CFAP77: variants seen among roughly 807,000 people sequenced by gnomAD.
CFAP77 encodes the protein cilia- and flagella-associated protein 77.
CFAP77 carries 25 observed loss-of-function variants against 31.1 expected under a neutral mutation model. That is an observed-to-expected ratio of 0.80 (90% CI 0.59 to 1.12). CFAP77 has a LOEUF of 1.12. CFAP77 is among the 50% of genes most tolerant of loss of function. CFAP77 has a pLI of 0.00. For synonymous variants in CFAP77, 151 were observed against 159.9 expected (o/e 0.94, Z 0.42); for missense variants, 377 against 397.3 (o/e 0.95, Z 0.44).
chr9:132,417,735 C>T (rs1850129844), intron 1 of CFAP77, among the ~76,000 whole-genome samples: 1 of 152,192 alleles, frequency 6.6e-6, no homozygotes, highest in East Asian at 1.9e-4. Context: ...AATAAGTGAG[C>T]ATTTTGTTAT....
chr9:132,445,057 T>C (rs2131706432), intron 1 of CFAP77, among the ~76,000 whole-genome samples: 1 of 148,886 alleles, frequency 6.7e-6, no homozygotes, highest in East Asian at 2.1e-4. Flanking sequence ...CACTGCAACC[T>C]CCGCCTCCTG....
intron 5 of CFAP77, among the ~76,000 whole-genome samples, chr9:132,544,059 C>T (rs368880745): frequency 7.9e-5 from 12 of 152,286 alleles, no homozygotes; most frequent in East Asian, 1.9e-4. Context: ...GCCGCTGTGC[C>T]GCATTAAACT....
intron 3 of CFAP77, among the ~76,000 whole-genome samples, chr9:132,507,967 T>C (rs980698096): frequency 6.6e-6 from 1 of 152,196 alleles, no homozygotes; most frequent in African/African-American, 2.4e-5. Context: ...ACTGCGACTG[T>C]CGTTAATACT....
At chr9:132,463,970 C>T (rs1554739713) in intron 1 of CFAP77, among the ~76,000 whole-genome samples, 1 of 152,176 alleles carries the variant, frequency 6.6e-6, no homozygotes, top group Admixed American at 6.5e-5. Context: ...GGTTTTAGTT[C>T]CCGGTCATGG....
At position 132,545,485 on chromosome 9, in the gene CFAP77, C is replaced by T. The variant is rs957703888; in HGVS notation, c.732+2438C>T. On this transcript the variant is annotated intron_variant, in intron 5 of 5. Coordinates refer to ENST00000393216, the MANE Select transcript of CFAP77 (RefSeq NM_001282957.2). This position sits in a 1 kb window ranked among gnomAD's most constrained non-coding sequence, Gnocchi z 4.6. ...CAAGCCACAGCATATACTGAGTGTTCGCCTCCTTTCCGAGGGTATTCGCAG... is the reference window on the plus strand; with the variant it reads ...CAAGCCACAGCATATACTGAGTGTTTGCCTCCTTTCCGAGGGTATTCGCAG... Among the ~76,000 whole-genome samples, 12 of 152,156 alleles carry T rather than the reference C, an allele frequency of 7.9e-5. No individual in the cohort carries two copies. The highest frequency in any genetic ancestry group is 4.6e-4 in the Admixed American group (7 of 15,278).
intron 1 of CFAP77, among the ~76,000 whole-genome samples, chr9:132,412,291 G>A (rs1850021014): frequency 3.3e-5 from 5 of 152,344 alleles, no homozygotes; most frequent in African/African-American, 1.2e-4. Flanking sequence ...CGTGCTCTCT[G>A]ATGATGGAGC....
chr9:132,422,559 A>T (rs1233171835), intron 1 of CFAP77, among the ~76,000 whole-genome samples: 1 of 152,180 alleles, frequency 6.6e-6, no homozygotes, highest in Non-Finnish European at 1.5e-5. Flanking sequence ...TCCAGGCAAA[A>T]TAAGAGATTT....
Position 132,565,385 on chromosome 9 carries a change from T to C in CFAP77, c.733-7003T>C, listed in dbSNP as rs922229430. Among the ~76,000 whole-genome samples, 3 of 151,998 alleles carry C rather than the reference T, an allele frequency of 2.0e-5. No individual in the cohort carries two copies. Among genetic ancestry groups the C allele is most frequent in the African/African-American group, 4.8e-5 (2 of 41,378 alleles). On this transcript the variant is annotated intron_variant, in intron 5 of 5. Coordinates refer to ENST00000393216, the MANE Select transcript of CFAP77 (RefSeq NM_001282957.2). This position sits in a 1 kb window ranked among gnomAD's most constrained non-coding sequence, Gnocchi z 4.1. ...TGGCTCACGCCTGTAATCCCAGCAC[T>C]TTGGGAGGCCGAGGTGAGTGGATCA...
At chr9:132,435,472 C>T (rs1313552189) in intron 1 of CFAP77, among the ~76,000 whole-genome samples, 4 of 152,252 alleles carry the variant, frequency 2.6e-5, no homozygotes, top group Middle Eastern at 3.4e-3. Flanking sequence ...AATAACGACA[C>T]GCTAGGAAAA....
intron 1 of CFAP77, among the ~76,000 whole-genome samples, chr9:132,486,485 G>T (rs186332614): frequency 6.6e-6 from 1 of 152,126 alleles, no homozygotes; most frequent in Non-Finnish European, 1.5e-5. Context: ...TCCCCAAGAC[G>T]ATGAGCTGCT....
chr9:132,564,381 C>T lies in CFAP77; in HGVS notation c.733-8007C>T, dbSNP rs1221451231. Among the ~76,000 whole-genome samples the T allele has an allele frequency of 6.6e-6, 1 of 152,164 alleles. No individual in the cohort carries two copies. The highest frequency in any genetic ancestry group is 1.5e-5 in the Non-Finnish European group (1 of 68,038). ...CCTCAATAAATACCAAAAGGTCTGA[C>T]TTGTGAGGATTACTTCAGCACCAAA... On this transcript the variant is annotated intron_variant, in intron 5 of 5. Transcript: ENST00000393216. The surrounding 1 kb of genome is among the most constrained non-coding windows in gnomAD (Gnocchi z 4.6).
At chr9:132,427,006 C>T (rs35419541) in intron 1 of CFAP77, among the ~76,000 whole-genome samples, 1 of 152,142 alleles carries the variant, frequency 6.6e-6, no homozygotes, top group Non-Finnish European at 1.5e-5. Flanking sequence ...CAAAGGTGAT[C>T]ATTATGTGGT....
intron 1 of CFAP77, among the ~76,000 whole-genome samples, chr9:132,418,131 A>G (rs754651011): frequency 2.0e-5 from 3 of 152,252 alleles, no homozygotes; most frequent in Non-Finnish European, 4.4e-5. Flanking sequence ...ATGAGATACT[A>G]TATGATGGAA....
intron 1 of CFAP77, among the ~76,000 whole-genome samples, chr9:132,417,356 G>T (rs567456852): frequency 1.3e-5 from 2 of 152,072 alleles, no homozygotes; most frequent in Non-Finnish European, 2.9e-5. Flanking sequence ...CTCGTGATCC[G>T]CCCACCTCGG....
At chr9:132,458,400 T>G (rs1850967892) in intron 1 of CFAP77, among the ~76,000 whole-genome samples, 1 of 150,924 alleles carries the variant, frequency 6.6e-6, no homozygotes, top group Non-Finnish European at 1.5e-5. Context: ...TCCCGCATCT[T>G]CTTTTCTCCA....
intron 1 of CFAP77, among the ~76,000 whole-genome samples, chr9:132,493,297 G>A (rs553685965): frequency 1.3e-5 from 2 of 152,280 alleles, no homozygotes; most frequent in East Asian, 3.9e-4. Context: ...AAAAGTCCTC[G>A]GAAATGAGAA....
At chr9:132,496,614 G>C (rs902267264) in intron 1 of CFAP77, among the ~76,000 whole-genome samples, 1 of 152,148 alleles carries the variant, frequency 6.6e-6, no homozygotes, top group Non-Finnish European at 1.5e-5. Context: ...TCTGTGTCTG[G>C]CTTCTCAGCA....
At position 132,429,352 on chromosome 9, in the gene CFAP77, A is replaced by G. The variant is rs982327741; in HGVS notation, c.195+18886A>G. Among the ~76,000 whole-genome samples the G allele has an allele frequency of 6.6e-5, 10 of 151,938 alleles. No homozygotes were observed. In the East Asian group the frequency reaches 1.9e-3, roughly 29 times the overall value. ...TCAGGAATTTGAGACCAGCCTGGCC[A>G]ACATGGTGAAACCCTGTCTCTACTA... is the stretch of plus-strand genomic sequence containing the variant. On this transcript the variant is annotated intron_variant, in intron 1 of 5. Coordinates refer to ENST00000393216, the MANE Select transcript of CFAP77 (RefSeq NM_001282957.2).
chr9:132,523,611 G>T (rs921638664), intron 3 of CFAP77, among the ~76,000 whole-genome samples: 3 of 152,142 alleles, frequency 2.0e-5, no homozygotes, highest in African/African-American at 7.2e-5. Context: ...GGCACAGGGG[G>T]GTCCGAGAAC....
Sources: gnomAD v4.1 joint callset for allele counts (sites outside exome capture counted in the v4.1 genomes callset) on GRCh38, gnomAD v4.1.1 for gene constraint, Gnocchi (gnomAD v3.1) non-coding constraint, MANE v1.5 for transcripts, NCBI Gene and HGNC (gene_info 2026-07-23, HGNC 2026-07-21) for gene names.